Variants in MEF2A observed in about 807,000 individuals in gnomAD.
The protein encoded by MEF2A is myocyte enhancer factor 2A.
A neutral mutation model predicts 55.8 loss-of-function variants in MEF2A; 28 were observed. The ratio of observed to expected loss-of-function variants is 0.50; its 90% CI spans 0.37 to 0.69. The LOEUF (loss-of-function observed/expected upper bound fraction) is 0.69. Among genes scored for constraint, MEF2A ranks in the 30% least tolerant of loss-of-function variants. The pLI, the probability that MEF2A is intolerant of heterozygous loss-of-function variation, is 0.00. For synonymous variants in MEF2A, 239 were observed against 227.1 expected, an observed-to-expected ratio of 1.05 and a Z score of -0.47; for missense variants, 528 against 626.2, an observed-to-expected ratio of 0.84 and a Z score of 1.67.
At chr15:99,602,420 C>G (rs1181975620) in intron 2 of MEF2A, among the ~76,000 whole-genome samples, 2 of 151,984 alleles carry the variant, frequency 1.3e-5, no homozygotes, top group African/African-American at 2.4e-5. Context: ...TCCAATGTCC[C>G]TAGGAAGTCA....
At chr15:99,579,132 T>C (rs775847899) in intron 1 of MEF2A, among the ~76,000 whole-genome samples, 14 of 152,228 alleles carry the variant, frequency 9.2e-5, no homozygotes, top group Non-Finnish European at 2.1e-4. Flanking sequence ...ACTAATGTTG[T>C]ATTTTTTCCC....
chr15:99,607,189 AAG>A, intron 2 of MEF2A, among the ~76,000 whole-genome samples: 1 of 152,156 alleles, frequency 6.6e-6, no homozygotes, highest in Admixed American at 6.6e-5. Context: ...ACAACCACAA[AAG>A]AGAGTTGCTA....
In MEF2A at chr15:99,566,668, C is replaced by T. The variant is rs1315321813; in HGVS notation, c.-225+564C>T. The T allele has an allele frequency of 2.0e-5, 3 of 152,386 alleles. No homozygotes were observed. The East Asian group carries it at 5.8e-4, about 29-fold the overall frequency. The allele number at this position is 152,386 out of a possible 1,614,324, so 9.4% of individuals were successfully genotyped here. On this transcript the variant is annotated intron_variant, in intron 1 of 11. Transcript: ENST00000557942. ...CGGGGGTCTCCCCGAAGGGATTAGC[C>T]CCAAGTGCGGGGGGCCTTCTGCCCT...
intron 2 of MEF2A, among the ~76,000 whole-genome samples, chr15:99,613,103 A>T (rs995052490): frequency 6.6e-6 from 1 of 152,202 alleles, no homozygotes; most frequent in Non-Finnish European, 1.5e-5. Context: ...TCAGTGTTTG[A>T]ATAAAGAGTG....
At chr15:99,585,294 G>T (rs1966864963) in intron 1 of MEF2A, among the ~76,000 whole-genome samples, 2 of 152,070 alleles carry the variant, frequency 1.3e-5, no homozygotes, top group Admixed American at 1.3e-4. Flanking sequence ...ATTCAAGTTT[G>T]TGTCATTTTT....
intron 1 of MEF2A, among the ~76,000 whole-genome samples, chr15:99,590,371 T>C (rs566373161): frequency 6.6e-6 from 1 of 150,786 alleles, no homozygotes; most frequent in East Asian, 1.9e-4. Flanking sequence ...TGATATCTTA[T>C]AGACAACATA....
At chr15:99,620,355 T>C (rs996234794) in intron 2 of MEF2A, among the ~76,000 whole-genome samples, 2 of 152,220 alleles carry the variant, frequency 1.3e-5, no homozygotes, top group African/African-American at 4.8e-5. Flanking sequence ...CTCCTCCCTC[T>C]AGTAGTCTCC....
intron 4 of MEF2A, among the ~76,000 whole-genome samples, chr15:99,664,575 TAA>T (rs757789185): frequency 9.2e-5 from 14 of 152,070 alleles, no homozygotes; most frequent in African/African-American, 1.9e-4. Context: ...AAAAAAGATA[TAA>T]GAGTCTAGAC....
intron 7 of MEF2A, among the ~76,000 whole-genome samples, chr15:99,675,965 G>A (rs1285011120): frequency 6.6e-6 from 1 of 152,006 alleles, no homozygotes; most frequent in African/African-American, 2.4e-5. Flanking sequence ...GCTTGAATCC[G>A]GGAGGCGGTG....
At chr15:99,608,300 C>G (rs920532358) in intron 2 of MEF2A, among the ~76,000 whole-genome samples, 1 of 152,100 alleles carries the variant, frequency 6.6e-6, no homozygotes, top group Non-Finnish European at 1.5e-5. Flanking sequence ...ACTATATTTG[C>G]TATTCATTGT....
chr15:99,639,912 A>G (rs1004391043), intron 3 of MEF2A, among the ~76,000 whole-genome samples: 32 of 152,006 alleles, frequency 2.1e-4, no homozygotes, highest in Admixed American at 3.3e-4. Flanking sequence ...TATTCTGGAT[A>G]TTAATTCTGT....
chr15:99,647,461 G>A (rs1468290226), intron 4 of MEF2A, among the ~76,000 whole-genome samples: 1 of 152,142 alleles, frequency 6.6e-6, no homozygotes, highest in African/African-American at 2.4e-5. Flanking sequence ...TTTCATTGCA[G>A]CAGTTGTTAT....
At chr15:99,571,681 A>G (rs1962366344) in intron 1 of MEF2A, among the ~76,000 whole-genome samples, 2 of 151,346 alleles carry the variant, frequency 1.3e-5, no homozygotes, top group African/African-American at 4.9e-5. Flanking sequence ...AATCTCAAGT[A>G]TAATATAAAT....
chr15:99,603,074 C>T (rs1567205378), intron 2 of MEF2A, among the ~76,000 whole-genome samples: 1 of 152,030 alleles, frequency 6.6e-6, no homozygotes, highest in African/African-American at 2.4e-5. Context: ...TTGCAAACTT[C>T]CTTCTTTTTC....
chr15:99,672,744 C>T (rs1484250755), intron 5 of MEF2A, among the ~76,000 whole-genome samples: 2 of 151,906 alleles, frequency 1.3e-5, no homozygotes, highest in African/African-American at 4.8e-5. Context: ...GGGGATGGGA[C>T]CCAAGTCTAA....
At chr15:99,645,441 TG>T in intron 3 of MEF2A, 119 bp from the exon 4 acceptor site, 1 of 726,134 alleles carries the variant, frequency 1.4e-6, no homozygotes, top group South Asian at 2.0e-5. Flanking sequence ...AGGACAAAGC[TG>T]GGAACCTTTT....
chr15:99,694,002 AC>A (rs1304109456), intron 8 of MEF2A, among the ~76,000 whole-genome samples: 2 of 152,232 alleles, frequency 1.3e-5, no homozygotes, highest in South Asian at 4.1e-4. Flanking sequence ...CACTACTGAT[AC>A]GTTATTATTA....
intron 7 of MEF2A, among the ~76,000 whole-genome samples, chr15:99,676,853 T>C (rs2052201662): frequency 6.6e-6 from 1 of 152,096 alleles, no homozygotes; most frequent in Non-Finnish European, 1.5e-5. Flanking sequence ...AATTAGATCG[T>C]AGTGATTAGA....
chr15:99,708,473 G>T (rs1567507688), intron 10 of MEF2A, among the ~76,000 whole-genome samples: 1 of 152,202 alleles, frequency 6.6e-6, no homozygotes, highest in African/African-American at 2.4e-5. Context: ...AATTACCAAA[G>T]CATATAAAAA....
Sources: gnomAD v4.1 joint callset for allele counts (sites outside exome capture counted in the v4.1 genomes callset) on GRCh38, gnomAD v4.1.1 for gene constraint, MANE v1.5 for transcripts, NCBI Gene and HGNC (gene_info 2026-07-23, HGNC 2026-07-21) for gene names.